Variants in CADM2 observed in about 807,000 individuals in gnomAD.
CADM2 encodes immunoglobulin superfamily member 4D.
In CADM2, 12 loss-of-function variants were observed where a neutral mutation model predicts 49.8. The observed-to-expected ratio is 0.24, with a 90% CI of 0.15 to 0.39. The LOEUF (loss-of-function observed/expected upper bound fraction) is 0.39, where lower values mean the gene tolerates loss of function less well. Among genes scored for constraint, CADM2 ranks in the 10% least tolerant of loss-of-function variants. The pLI is 1.00. For synonymous variants in CADM2, 214 were observed against 175.4 expected (o/e 1.22, Z -1.74); for missense variants, 378 against 492.3 (o/e 0.77, Z 2.20).
At chr3:85,225,589 T>G (rs538654630) in intron 1 of CADM2, among the ~76,000 whole-genome samples, 1 of 152,318 alleles carries the variant, frequency 6.6e-6, no homozygotes, top group Admixed American at 6.5e-5. Context: ...GAATACCCTT[T>G]ATTTCTTTCT....
intron 1 of CADM2, among the ~76,000 whole-genome samples, chr3:85,124,818 A>C (rs1385973064): frequency 6.6e-6 from 1 of 152,162 alleles, no homozygotes; most frequent in Non-Finnish European, 1.5e-5. Context: ...TGAATATCTC[A>C]TGTAATTTAT....
intron 8 of CADM2, among the ~76,000 whole-genome samples, chr3:86,007,110 A>T (rs1391085175): frequency 1.6e-5 from 1 of 63,394 alleles, no homozygotes; most frequent in Non-Finnish European, 3.2e-5. Context: ...TCCCACCCCC[A>T]CCCCCTCACC....
chr3:86,012,771 T>A (rs1337740351), intron 8 of CADM2: 1 of 637,992 alleles, frequency 1.6e-6, no homozygotes, highest in Non-Finnish European at 2.8e-6. Context: ...GGTCAGCAGA[T>A]CGAGACCATC....
At chr3:85,734,483 A>C (rs1577190482) in intron 2 of CADM2, among the ~76,000 whole-genome samples, 1 of 151,486 alleles carries the variant, frequency 6.6e-6, no homozygotes, top group African/African-American at 2.4e-5. Context: ...CTATGATAAG[A>C]TACAATGGAG....
intron 1 of CADM2, among the ~76,000 whole-genome samples, chr3:85,258,140 A>G (rs1407281688): frequency 1.3e-5 from 2 of 152,066 alleles, no homozygotes; most frequent in Non-Finnish European, 2.9e-5. Context: ...AGCTCAGCCT[A>G]CCTGAGTGGC....
intron 1 of CADM2, among the ~76,000 whole-genome samples, chr3:85,563,548 C>A (rs1055194904): frequency 3.9e-5 from 6 of 151,946 alleles, no homozygotes; most frequent in African/African-American, 1.4e-4. Flanking sequence ...AGCATGACTC[C>A]TTGAATGAAA....
chr3:85,009,865 CAATAAATAAATAAATA>C (rs34806351), intron 1 of CADM2, among the ~76,000 whole-genome samples: 14 of 140,722 alleles, frequency 9.9e-5, no homozygotes, highest in East Asian at 2.1e-4. Flanking sequence ...GATTCTATCT[CAATAAATAAATAAATA>C]AATAAATAAA....
chr3:85,318,939 G>T (rs530726982), intron 1 of CADM2, among the ~76,000 whole-genome samples: 2 of 152,012 alleles, frequency 1.3e-5, no homozygotes, highest in African/African-American at 4.8e-5. Flanking sequence ...ATGTGACAAC[G>T]TTCGGGCTCT....
chr3:85,364,869 CAACA>C lies in CADM2; in HGVS notation c.62-361651_62-361648del, dbSNP rs1448376465. ...GTTCTGGATCATATGCTTGTTCCTA[CAACA>C]ACAACAACAACAACAACAACAACAA... On this transcript the variant is annotated intron_variant, in intron 1 of 9. Coordinates refer to ENST00000383699, the MANE Select transcript of CADM2 (RefSeq NM_001167675.2). Among the ~76,000 whole-genome samples, 3 of 13,232 alleles carry C rather than the reference CAACA, an allele frequency of 2.3e-4. No homozygotes were observed. The Non-Finnish European group carries it at 0.068, about 301-fold the overall frequency. 8.7% of individuals were successfully genotyped at this position (13,232 alleles called of 152,430 possible). A position where few individuals can be genotyped will look rare whatever the true frequency, so the allele number is the denominator to read the frequency against.
chr3:85,474,199 G>A (rs1009964239), intron 1 of CADM2, among the ~76,000 whole-genome samples: 3 of 151,514 alleles, frequency 2.0e-5, no homozygotes, highest in Non-Finnish European at 4.4e-5. Context: ...TGTAGTGAGG[G>A]ATTTATTTTA....
chr3:85,832,911 C>T (rs570740405), intron 3 of CADM2, among the ~76,000 whole-genome samples: 5 of 151,906 alleles, frequency 3.3e-5, no homozygotes, highest in South Asian at 2.1e-4. Context: ...TTCCAGCTTC[C>T]GCTCATTCAG....
chr3:85,890,155 A>G (rs1714230944), intron 5 of CADM2, among the ~76,000 whole-genome samples: 1 of 152,024 alleles, frequency 6.6e-6, no homozygotes, highest in Non-Finnish European at 1.5e-5. Context: ...GGACTTCAAT[A>G]TTGAAAGGGG....
intron 3 of CADM2, among the ~76,000 whole-genome samples, chr3:85,870,255 T>C (rs2075875345): frequency 6.6e-6 from 1 of 152,164 alleles, no homozygotes; most frequent in South Asian, 2.1e-4. Context: ...TGATTTTTTT[T>C]TTTTAACTTT....
At chr3:84,996,529 C>T (rs913428670) in intron 1 of CADM2, among the ~76,000 whole-genome samples, 8 of 151,944 alleles carry the variant, frequency 5.3e-5, no homozygotes, top group East Asian at 1.9e-4. Context: ...CTTTACTTTT[C>T]GTATGCTTTT....
chr3:85,658,997 A>T (rs1258072942), intron 1 of CADM2, among the ~76,000 whole-genome samples: 1 of 151,024 alleles, frequency 6.6e-6, no homozygotes, highest in Non-Finnish European at 1.5e-5. Context: ...GGCTTCAGTG[A>T]ACTATAAATG....
chr3:85,870,168 A>G (rs2075869809), intron 3 of CADM2, among the ~76,000 whole-genome samples: 1 of 151,890 alleles, frequency 6.6e-6, no homozygotes, highest in African/African-American at 2.4e-5. Context: ...TTCCTTATAT[A>G]TCTTGAATAG....
At chr3:84,995,464 C>A (rs979965419) in intron 1 of CADM2, among the ~76,000 whole-genome samples, 5 of 152,134 alleles carry the variant, frequency 3.3e-5, no homozygotes, top group Admixed American at 3.3e-4. Flanking sequence ...CATTTCGCAA[C>A]CACACTATAA....
At chr3:85,329,944 C>A (rs564560747) in intron 1 of CADM2, among the ~76,000 whole-genome samples, 1 of 152,050 alleles carries the variant, frequency 6.6e-6, no homozygotes, top group Non-Finnish European at 1.5e-5. Flanking sequence ...TACCATGTCT[C>A]CTTAATCCTT....
chr3:85,997,486 T>C (rs981302169), intron 8 of CADM2, among the ~76,000 whole-genome samples: 1 of 152,148 alleles, frequency 6.6e-6, no homozygotes, highest in East Asian at 1.9e-4. Context: ...CACAAATCAT[T>C]GATTTCTTTA....
Sources: allele counts gnomAD v4.1 joint callset (sites outside exome capture counted in the v4.1 genomes callset), GRCh38; gene constraint gnomAD v4.1.1; transcripts MANE v1.5; gene names NCBI Gene and HGNC (gene_info 2026-07-23, HGNC 2026-07-21).